The following B3GLCT variants were observed in gnomAD, a reference collection of about 807,000 sequenced individuals.
B3GLCT encodes the protein beta-1,3-glucosyltransferase.
B3GLCT carries 65 observed loss-of-function variants against 63.4 expected under a neutral mutation model. That is an observed-to-expected ratio of 1.03 (90% CI 0.84 to 1.26). B3GLCT has a LOEUF of 1.26. Ranked by LOEUF, B3GLCT falls within the 50% of genes most tolerant of loss-of-function variation. B3GLCT has a pLI of 0.00. For missense variants in B3GLCT, 577 were observed against 604.8 expected (o/e 0.95, Z 0.48); for synonymous variants, 233 against 219.2 (o/e 1.06, Z -0.55).
At chr13:31,226,960 C>G (rs183315732) in intron 3 of B3GLCT, among the ~76,000 whole-genome samples, 8 of 152,192 alleles carry the variant, frequency 5.3e-5, no homozygotes, top group African/African-American at 1.7e-4. Context: ...CTCATGTAAT[C>G]TTTTATACCT....
intron 2 of B3GLCT, among the ~76,000 whole-genome samples, chr13:31,215,571 G>T (rs1450109836): frequency 6.6e-6 from 1 of 152,052 alleles, no homozygotes; most frequent in Admixed American, 6.6e-5. Context: ...GCGCCACCAT[G>T]CCCGGCTAAT....
At chr13:31,299,584 T>C (rs1474154201) in intron 12 of B3GLCT, among the ~76,000 whole-genome samples, 1 of 152,166 alleles carries the variant, frequency 6.6e-6, no homozygotes, top group Non-Finnish European at 1.5e-5. Context: ...GTCTCTGCCT[T>C]TTTTTCTGGT....
chr13:31,206,943 A>G (rs1868988946), intron 1 of B3GLCT, among the ~76,000 whole-genome samples: 1 of 152,206 alleles, frequency 6.6e-6, no homozygotes, highest in African/African-American at 2.4e-5. Flanking sequence ...AATGCTGCTG[A>G]GGAGACCATA....
intron 4 of B3GLCT, among the ~76,000 whole-genome samples, chr13:31,230,445 A>T (rs1870320169): frequency 6.6e-6 from 1 of 152,236 alleles, no homozygotes; most frequent in African/African-American, 2.4e-5. Context: ...CTTCATGGGT[A>T]TTGGAAAATA....
At chr13:31,323,056 A>C (rs1875409989) in intron 13 of B3GLCT, among the ~76,000 whole-genome samples, 1 of 152,230 alleles carries the variant, frequency 6.6e-6, no homozygotes, top group Non-Finnish European at 1.5e-5. Context: ...TTAAGTAAAG[A>C]AATTCTCTTG....
intron 13 of B3GLCT, 73 bp downstream of exon 13, chr13:31,317,758 G>T: frequency 6.3e-7 from 1 of 1,590,812 alleles, no homozygotes. Context: ...GTAGGTCTCT[G>T]GCACTGGGAT....
chr13:31,266,129 C>G (rs1025478629), intron 7 of B3GLCT, among the ~76,000 whole-genome samples: 33 of 152,154 alleles, frequency 2.2e-4, no homozygotes, highest in Non-Finnish European at 4.0e-4. Context: ...TCCCGAGTAG[C>G]TGGGACTGCA....
chr13:31,202,507 G>A (rs1049737264), intron 1 of B3GLCT, among the ~76,000 whole-genome samples: 4 of 152,136 alleles, frequency 2.6e-5, no homozygotes, highest in African/African-American at 9.7e-5. Context: ...AGCCACCTGC[G>A]AAGTAACCCT....
chr13:31,220,014 T>C (rs1407155557), intron 2 of B3GLCT, among the ~76,000 whole-genome samples: 1 of 152,216 alleles, frequency 6.6e-6, no homozygotes, highest in East Asian at 1.9e-4. Context: ...GTCTTGTCAT[T>C]ATTATTCCTA....
intron 12 of B3GLCT, among the ~76,000 whole-genome samples, chr13:31,302,602 T>A (rs1327077646): frequency 1.2e-5 from 1 of 82,402 alleles, no homozygotes; most frequent in Non-Finnish European, 2.5e-5. Context: ...CCCACCCGAA[T>A]ATTGCGCTTT....
chr13:31,202,509 A>G (rs1684222618), intron 1 of B3GLCT, among the ~76,000 whole-genome samples: 1 of 152,218 alleles, frequency 6.6e-6, no homozygotes, highest in African/African-American at 2.4e-5. Flanking sequence ...CCACCTGCGA[A>G]GTAACCCTTT....
chr13:31,236,853 A>G (rs997489339), intron 4 of B3GLCT, among the ~76,000 whole-genome samples: 5 of 152,190 alleles, frequency 3.3e-5, no homozygotes, highest in Admixed American at 6.5e-5. Flanking sequence ...GGGGCCAAGT[A>G]TGGTGGTTCA....
intron 12 of B3GLCT, among the ~76,000 whole-genome samples, chr13:31,296,310 C>A (rs1593304312): frequency 6.6e-6 from 1 of 152,306 alleles, no homozygotes; most frequent in South Asian, 2.1e-4. Flanking sequence ...ATAATTATTT[C>A]TCATAGTTCT....
At chr13:31,278,231 G>A (rs2137864929) in intron 10 of B3GLCT, among the ~76,000 whole-genome samples, 1 of 151,706 alleles carries the variant, frequency 6.6e-6, no homozygotes, top group African/African-American at 2.4e-5. Context: ...GTAAAATTAG[G>A]GACACTCCCT....
At chr13:31,299,246 C>T (rs938096245) in intron 12 of B3GLCT, among the ~76,000 whole-genome samples, 4 of 152,146 alleles carry the variant, frequency 2.6e-5, no homozygotes, top group Admixed American at 2.6e-4. Flanking sequence ...GTTTTAATTA[C>T]CTGTTCTATT....
intron 4 of B3GLCT, among the ~76,000 whole-genome samples, chr13:31,236,511 C>T (rs190541054): frequency 1.3e-5 from 2 of 152,280 alleles, no homozygotes; most frequent in East Asian, 1.9e-4. Context: ...TAAGTAGAGC[C>T]TAGACTAAAG....
In B3GLCT at chr13:31,226,608, AT is replaced by A. The variant is rs58799228; in HGVS notation, c.161-2568del. Among the ~76,000 whole-genome samples the A allele has an allele frequency of 2.7e-5, 4 of 150,200 alleles. 1 individual carries two copies. The highest frequency in any genetic ancestry group is 7.4e-5 in the African/African-American group (3 of 40,802). On this transcript the variant is annotated intron_variant, in intron 3 of 14. Transcript: ENST00000343307. The stretch of plus-strand genomic sequence containing the variant: ...AGGATTAAGCTTTTTTTTTATTTTT[AT>A]TTTTTTTTAGAGATGTAGTCTTGCT...
At chr13:31,255,003 C>T (rs1332462848) in intron 6 of B3GLCT, among the ~76,000 whole-genome samples, 4 of 149,684 alleles carry the variant, frequency 2.7e-5, no homozygotes. Flanking sequence ...CGCCACTGCA[C>T]TCCCGCCCAG....
intron 10 of B3GLCT, among the ~76,000 whole-genome samples, chr13:31,279,535 G>A (rs796990425): frequency 1.4e-4 from 21 of 152,216 alleles, no homozygotes; most frequent in African/African-American, 4.8e-4. Context: ...AAAAGGGGAG[G>A]GAGTGTACGA....
Sources: allele counts gnomAD v4.1 joint callset (sites outside exome capture counted in the v4.1 genomes callset), GRCh38; gene constraint gnomAD v4.1.1; transcripts MANE v1.5; gene names NCBI Gene and HGNC (gene_info 2026-07-23, HGNC 2026-07-21).